SLC24A1: variants seen among roughly 807,000 people sequenced by gnomAD.
SLC24A1 encodes the protein solute carrier family 24 member 1, also known as sodium/potassium/calcium exchanger 1.
A neutral mutation model predicts 88.1 loss-of-function variants in SLC24A1; 52 were observed. That is an observed-to-expected ratio of 0.59 (90% CI 0.47 to 0.74). The LOEUF (loss-of-function observed/expected upper bound fraction) is 0.74, where lower values mean the gene tolerates loss of function less well. SLC24A1 is among the 30% of genes least tolerant of loss of function. The pLI is 0.00. For missense variants in SLC24A1, 1,173 were observed against 1,363.3 expected (o/e 0.86, Z 2.20); for synonymous variants, 455 against 498.0 (o/e 0.91, Z 1.15).
chr15:65,647,072 T>C (rs964316285), intron 6 of SLC24A1, among the ~76,000 whole-genome samples: 1 of 152,166 alleles, frequency 6.6e-6, no homozygotes, highest in Non-Finnish European at 1.5e-5. Context: ...ATCATGGGCC[T>C]CTCTTGGCAG....
chr15:65,647,999 G>A (rs112874836), intron 6 of SLC24A1, among the ~76,000 whole-genome samples: 2 of 152,164 alleles, frequency 1.3e-5, no homozygotes, highest in African/African-American at 2.4e-5. Context: ...GGTGGCTCAC[G>A]CCTGTAATCC....
chr15:65,655,819 A>G lies in SLC24A1; in HGVS notation c.*1740A>G. The G allele has an allele frequency of 1.0e-6, 1 of 984,806 alleles. No individual in the cohort carries two copies. Among genetic ancestry groups the G allele is most frequent in the Non-Finnish European group, 1.2e-6 (1 of 829,384 alleles). 61.0% of individuals were successfully genotyped at this position (984,806 alleles called of 1,614,324 possible). A position where few individuals can be genotyped will look rare whatever the true frequency, so the allele number is the denominator to read the frequency against. On this transcript the variant is annotated 3_prime_UTR_variant, in exon 10 of 10. Coordinates refer to ENST00000261892, the MANE Select transcript of SLC24A1 (RefSeq NM_004727.3). ...CCCAGGATTCTCATTCTTTGGAAAT[A>G]ATTTTTATTAAATTTCAATAAACTG...
Position 65,654,707 on chromosome 15 carries a change from C to CTTTTTT in SLC24A1, c.*638_*643dup. 1 of 1,119,714 alleles carries CTTTTTT rather than the reference C, an allele frequency of 8.9e-7. No homozygotes were observed. Among genetic ancestry groups the CTTTTTT allele is most frequent in the South Asian group, 1.4e-5 (1 of 70,282 alleles). 69.4% of individuals were successfully genotyped at this position (1,119,714 alleles called of 1,614,324 possible). A position where few individuals can be genotyped will look rare whatever the true frequency, so the allele number is the denominator to read the frequency against. On this transcript the variant is annotated 3_prime_UTR_variant, in exon 10 of 10. Coordinates refer to ENST00000261892, the MANE Select transcript of SLC24A1 (RefSeq NM_004727.3). ...GCATCTGGATATATACCAGTATTTT[C>CTTTTTT]TTTTTTTTTTTTTTTGAGACAGAGT...
chr15:65,623,056 CAT>C (rs768440623), intron 1 of SLC24A1, among the ~76,000 whole-genome samples: 3 of 152,122 alleles, frequency 2.0e-5, no homozygotes, highest in Non-Finnish European at 2.9e-5. Flanking sequence ...CAATGCTTTT[CAT>C]ATGTTTTTAC....
chr15:65,654,424 C>T lies in SLC24A1; in HGVS notation c.*345C>T, dbSNP rs369005308. The T allele has an allele frequency of 1.7e-6, 2 of 1,168,366 alleles. No homozygotes were observed. The highest frequency in any genetic ancestry group is 1.6e-5 in the African/African-American group (1 of 61,790). 72.4% of individuals were successfully genotyped at this position (1,168,366 alleles called of 1,614,324 possible). ...AGGCGCAGCAGCTATAAGACAAGCT[C>T]CTACGCTCACTGTTCCCTGATCATT... On this transcript the variant is annotated 3_prime_UTR_variant, in exon 10 of 10. Transcript: ENST00000261892.
In SLC24A1 at chr15:65,654,762, A is replaced by G. The variant is rs547688994; in HGVS notation, c.*683A>G. ...CTCTTGTTGCCCAGGCTGGTGTGCA[A>G]TGGCGTGATCTCGGCACACCACAAC... On this transcript the variant is annotated 3_prime_UTR_variant, in exon 10 of 10. Coordinates refer to ENST00000261892, the MANE Select transcript of SLC24A1 (RefSeq NM_004727.3). 28 of 1,144,082 alleles carry G rather than the reference A, an allele frequency of 2.4e-5. 1 individual carries two copies. In the South Asian group the frequency reaches 3.4e-4, roughly 14 times the overall value. 70.9% of individuals were successfully genotyped at this position (1,144,082 alleles called of 1,614,324 possible). A position where few individuals can be genotyped will look rare whatever the true frequency, so the allele number is the denominator to read the frequency against.
chr15:65,613,189 A>G (rs2074025755), intron 2 of SLC24A1, among the ~76,000 whole-genome samples: 1 of 152,234 alleles, frequency 6.6e-6, no homozygotes, highest in African/African-American at 2.4e-5. Flanking sequence ...TTTCCTTTGC[A>G]TAATCTCTCA....
upstream of SLC24A1, among the ~76,000 whole-genome samples, chr15:65,620,695 G>C (rs1220622872): frequency 1.3e-5 from 2 of 152,170 alleles, no homozygotes; most frequent in East Asian, 3.8e-4. Context: ...TGAGAGAAAG[G>C]AATCACTTTT....
rs764396401 is a variant in SLC24A1, at chr15:65,650,777, A to G, written c.2628A>G (p.Glu876=). The G allele has an allele frequency of 7.4e-6, 12 of 1,610,806 alleles. No homozygotes were observed. Among genetic ancestry groups the G allele is most frequent in the Non-Finnish European group, 9.3e-6 (11 of 1,178,698 alleles). Residue 876 remains glutamate, a synonymous_variant, in exon 7 of 10, where the codon GAA becomes GAG. Coordinates refer to ENST00000261892, the MANE Select transcript of SLC24A1 (RefSeq NM_004727.3). This position sits in a 1 kb window ranked among gnomAD's most constrained non-coding sequence, Gnocchi z 4.1. ...EEEQEEEEEE[E]EQEEEEEEEE... is the part of the protein sequence containing the mutation. ...AGCAGGAGGAAGAGGAGGAGGAGGAAGAGCAGGAGGAAGAGGAGGAGGAGG... is the reference window on the plus strand; with the variant it reads ...AGCAGGAGGAAGAGGAGGAGGAGGAGGAGCAGGAGGAAGAGGAGGAGGAGG...
rs949479647 is a variant in SLC24A1, at chr15:65,653,865, A to G, written c.3086A>G (p.Asn1029Ser). The G allele has an allele frequency of 6.2e-7, 1 of 1,613,880 alleles. No homozygotes were observed. Among genetic ancestry groups the G allele is most frequent in the Non-Finnish European group, 8.5e-7 (1 of 1,179,780 alleles). Residue 1029 changes from asparagine (N) to serine (S), a missense_variant, in exon 10 of 10, where the codon AAT (asparagine) becomes AGT (serine). Physicochemically the swap from Asn to Ser is conservative, Grantham distance 46 (BLOSUM62 1). Transcript: ENST00000261892. ...PVPWLLFSLINGLQPVPVSSN... is the reference protein window; with the variant it reads ...PVPWLLFSLISGLQPVPVSSN... ...CCTTGGTTGCTTTTCTCTCTTATCA[A>G]TGGATTACAGCCAGTTCCAGTCAGC...
intron 2 of SLC24A1, among the ~76,000 whole-genome samples, chr15:65,629,822 A>G (rs570954257): frequency 3.2e-4 from 48 of 152,324 alleles, no homozygotes; most frequent in Non-Finnish European, 6.5e-4. Context: ...GCCAATGGCA[A>G]AAAGGGATGC....
upstream of SLC24A1, among the ~76,000 whole-genome samples, chr15:65,617,694 A>T (rs993097258): frequency 6.6e-6 from 1 of 151,670 alleles, no homozygotes; most frequent in Non-Finnish European, 1.5e-5. Flanking sequence ...TGACTTCCTC[A>T]TTTCCTAATT....
intron 4 of SLC24A1, chr15:65,643,113 T>G (rs2075186494): frequency 1.1e-6 from 1 of 911,104 alleles, no homozygotes; most frequent in Admixed American, 2.4e-5. Flanking sequence ...AGACACTGTT[T>G]TGACCATATT....
At chr15:65,627,129 C>T (rs1211445327) in intron 2 of SLC24A1, among the ~76,000 whole-genome samples, 1 of 152,174 alleles carries the variant, frequency 6.6e-6, no homozygotes, top group Non-Finnish European at 1.5e-5. Context: ...AATGCACTTC[C>T]TTTAGACTTT....
rs1467648989 is a variant in SLC24A1 at position 65,654,760 on chromosome 15, C to T, written c.*681C>T. On this transcript the variant is annotated 3_prime_UTR_variant, in exon 10 of 10. Coordinates refer to ENST00000261892, the MANE Select transcript of SLC24A1 (RefSeq NM_004727.3). ...GGCTCTTGTTGCCCAGGCTGGTGTG[C>T]AATGGCGTGATCTCGGCACACCACA... 16 of 1,149,180 alleles carry T rather than the reference C, an allele frequency of 1.4e-5. No individual in the cohort carries two copies. In the Admixed American group the frequency reaches 3.7e-4, roughly 27 times the overall value. The allele number at this position is 1,149,180 out of a possible 1,614,324, so 71.2% of individuals were successfully genotyped here. A position where few individuals can be genotyped will look rare whatever the true frequency, so the allele number is the denominator to read the frequency against.
Position 65,645,697 on chromosome 15 carries a change from C to T in SLC24A1, c.2226C>T (p.Gly742=), listed in dbSNP as rs372137068. The T allele has an allele frequency of 3.0e-5, 47 of 1,569,842 alleles. No homozygotes were observed. The highest frequency in any genetic ancestry group is 2.6e-4 in the African/African-American group (19 of 73,902). ...DIKGDQKENP[G]GQEDVAEAES... is the part of the protein sequence containing the mutation. ...AGGGAGATCAGAAGGAGAATCCAGGCGGTCAGGTAGGCACCCAGCCTTGGC... is the reference window on the plus strand; with the variant it reads ...AGGGAGATCAGAAGGAGAATCCAGGTGGTCAGGTAGGCACCCAGCCTTGGC... Residue 742 remains glycine (G), a synonymous_variant, in exon 6 of 10, where the codon GGC becomes GGT. Coordinates refer to ENST00000261892, the MANE Select transcript of SLC24A1 (RefSeq NM_004727.3).
chr15:65,614,779 G>A (rs572330769), intron 2 of SLC24A1, among the ~76,000 whole-genome samples: 38 of 152,324 alleles, frequency 2.5e-4, no homozygotes, highest in African/African-American at 9.1e-4. Flanking sequence ...GCATGTGATG[G>A]TGGATATGCA....
intron 2 of SLC24A1, among the ~76,000 whole-genome samples, chr15:65,627,892 A>T (rs1303585969): frequency 6.6e-6 from 1 of 152,262 alleles, no homozygotes; most frequent in African/African-American, 2.4e-5. Context: ...GGGCTTTAGT[A>T]GCAACTCCTT....
intron 5 of SLC24A1, among the ~76,000 whole-genome samples, chr15:65,644,969 T>C (rs1033335560): frequency 6.6e-6 from 1 of 152,192 alleles, no homozygotes; most frequent in Non-Finnish European, 1.5e-5. Context: ...CACAGAAGTC[T>C]AGTATCTGTG....
Sources: gnomAD v4.1 joint callset for allele counts (sites outside exome capture counted in the v4.1 genomes callset) on GRCh38, gnomAD v4.1.1 for gene constraint, Gnocchi (gnomAD v3.1) non-coding constraint, MANE v1.5 for transcripts, NCBI Gene and HGNC (gene_info 2026-07-23, HGNC 2026-07-21) for gene names.